The following CSMD1 variants were observed in gnomAD, a reference collection of about 807,000 sequenced individuals.
CSMD1 encodes CUB and sushi domain-containing protein 1.
CSMD1 carries 213 observed loss-of-function variants against 417.5 expected under a neutral mutation model. The observed-to-expected ratio is 0.51, with a 90% CI of 0.46 to 0.57. The LOEUF (loss-of-function observed/expected upper bound fraction) is 0.57, where lower values mean the gene tolerates loss of function less well. Among genes scored for constraint, CSMD1 ranks in the 20% least tolerant of loss-of-function variants. The probability of loss-of-function intolerance (pLI) is 0.00; values close to 1 mark genes in which losing one functional copy is unlikely to be tolerated. For missense variants in CSMD1, 6,923 were observed against 4,529.7 expected (o/e 1.53, Z -15.17); for synonymous variants, 2,862 against 1,736.8 (o/e 1.65, Z -16.11).
At position 3,924,104 on chromosome 8, in the gene CSMD1, T is replaced by C. The variant is rs554776793; in HGVS notation, c.818+73799A>G. ...TGGTGGTGATGAAATTTCTCAGCTC[T>C]TGTTGATGCGGGAAAATCTGTATCT... On this transcript the variant is annotated intron_variant, in intron 5 of 69. Coordinates refer to ENST00000635120, the MANE Select transcript of CSMD1 (RefSeq NM_033225.6). 3.3e-5 allele frequency among the ~76,000 whole-genome samples: 5 copies of C among 152,324 alleles called. No individual in the cohort carries two copies. The South Asian group carries it at 1.0e-3, about 32-fold the overall frequency.
chr8:3,370,558 G>C (rs1200647967), intron 18 of CSMD1, among the ~76,000 whole-genome samples: 1 of 152,240 alleles, frequency 6.6e-6, no homozygotes, highest in Non-Finnish European at 1.5e-5. Context: ...TAAGAGGCCG[G>C]TCATGTCTGT....
chr8:4,250,394 G>T (rs1290919530), intron 3 of CSMD1, among the ~76,000 whole-genome samples: 2 of 152,094 alleles, frequency 1.3e-5, no homozygotes, highest in Non-Finnish European at 2.9e-5. Flanking sequence ...AAGATAAGAT[G>T]CTGGTTGAGG....
chr8:4,323,308 T>C (rs1293162763), intron 3 of CSMD1, among the ~76,000 whole-genome samples: 1 of 152,164 alleles, frequency 6.6e-6, no homozygotes, highest in Non-Finnish European at 1.5e-5. Flanking sequence ...ACAGTCTTAC[T>C]CTATATAGTA....
chr8:4,643,198 C>T (rs1335914223), intron 1 of CSMD1, among the ~76,000 whole-genome samples: 1 of 152,234 alleles, frequency 6.6e-6, no homozygotes, highest in African/African-American at 2.4e-5. Context: ...CAGATCACCA[C>T]ACTGGCTCCT....
At chr8:3,645,662 C>T (rs1797538312) in intron 7 of CSMD1, among the ~76,000 whole-genome samples, 1 of 152,246 alleles carries the variant, frequency 6.6e-6, no homozygotes, top group East Asian at 1.9e-4. Flanking sequence ...GGAGCCACTG[C>T]TACAGCAGAG....
intron 23 of CSMD1, among the ~76,000 whole-genome samples, chr8:3,337,184 C>G (rs7822765): frequency 0.12 from 18,807 of 152,136 alleles, 1,657 homozygotes; most frequent in African/African-American, 0.24. Flanking sequence ...CGCAACGACT[C>G]GCCCTATCCC....
chr8:3,602,270 A>C (rs1038381957), intron 8 of CSMD1, among the ~76,000 whole-genome samples: 5 of 152,184 alleles, frequency 3.3e-5, no homozygotes, highest in African/African-American at 9.6e-5. Flanking sequence ...TGCACAGTTT[A>C]GAGTCCCCAG....
chr8:4,975,054 A>C (rs376117412), intron 1 of CSMD1, among the ~76,000 whole-genome samples: 2 of 152,308 alleles, frequency 1.3e-5, no homozygotes, highest in Non-Finnish European at 1.5e-5. Context: ...AGGCTGGGGA[A>C]AGAGGCTTCT....
intron 3 of CSMD1, among the ~76,000 whole-genome samples, chr8:4,237,603 C>A (rs889315458): frequency 4.0e-5 from 6 of 151,858 alleles, no homozygotes; most frequent in Non-Finnish European, 8.8e-5. Flanking sequence ...AGTGTCATCA[C>A]AACTTACTGC....
At chr8:3,463,301 C>T (rs1469450599) in intron 12 of CSMD1, among the ~76,000 whole-genome samples, 1 of 152,138 alleles carries the variant, frequency 6.6e-6, no homozygotes, top group African/African-American at 2.4e-5. Context: ...GGCTCTGCTT[C>T]CAAGAAAAAG....
chr8:3,906,949 G>C (rs1490668678), intron 5 of CSMD1, among the ~76,000 whole-genome samples: 6 of 152,152 alleles, frequency 3.9e-5, no homozygotes, highest in Non-Finnish European at 8.8e-5. Flanking sequence ...GTACTGCTGG[G>C]TAATACCAGT....
chr8:3,983,830 C>T (rs754951791), intron 5 of CSMD1, among the ~76,000 whole-genome samples: 3 of 152,056 alleles, frequency 2.0e-5, no homozygotes, highest in Non-Finnish European at 2.9e-5. Flanking sequence ...GAGCACCTGG[C>T]AGATCTGGCC....
intron 7 of CSMD1, among the ~76,000 whole-genome samples, chr8:3,672,375 C>T (rs1799120060): frequency 6.6e-6 from 1 of 152,136 alleles, no homozygotes; most frequent in Admixed American, 6.5e-5. Context: ...ATTTAGAACC[C>T]ACTCTTGCAT....
At chr8:4,194,589 C>G (rs141430305) in intron 3 of CSMD1, among the ~76,000 whole-genome samples, 3 of 152,136 alleles carry the variant, frequency 2.0e-5, no homozygotes, top group East Asian at 1.9e-4. Context: ...CTTTTGTTTC[C>G]CCTTTGACAT....
intron 7 of CSMD1, among the ~76,000 whole-genome samples, chr8:3,659,009 G>T (rs995657544): frequency 6.6e-6 from 1 of 152,092 alleles, no homozygotes; most frequent in African/African-American, 2.4e-5. Context: ...AATACTTCTA[G>T]GTCCTCAGAG....
At chr8:4,904,977 A>G (rs532602525) in intron 1 of CSMD1, among the ~76,000 whole-genome samples, 59 of 152,270 alleles carry the variant, frequency 3.9e-4, no homozygotes, top group African/African-American at 1.3e-3. Flanking sequence ...CAACCAACAT[A>G]GTACAATTTG....
chr8:4,582,611 C>G (rs1021202726), intron 2 of CSMD1, among the ~76,000 whole-genome samples: 2 of 152,206 alleles, frequency 1.3e-5, no homozygotes, highest in African/African-American at 2.4e-5. Context: ...TACACATTAG[C>G]AAGGATGCAC....
At position 3,162,245 on chromosome 8, in the gene CSMD1, G is replaced by T; in HGVS notation, c.5758C>A (p.Leu1920Ile). The part of the protein sequence containing the change: ...VGLAACQEPA[L>I]PSNSIKIGDR... ...CCGATTTTGATGCTGTTGCTGGGGAGGGCTGGTTCTTGGCATGCAGCAAGA... is the reference window on the plus strand; with the variant it reads ...CCGATTTTGATGCTGTTGCTGGGGATGGCTGGTTCTTGGCATGCAGCAAGA... Residue 1920 changes from leucine to isoleucine, a missense_variant, in exon 38 of 70, where the codon CTC becomes ATC. Coordinates refer to ENST00000635120, the MANE Select transcript of CSMD1 (RefSeq NM_033225.6). 1 of 1,610,602 alleles carries T rather than the reference G, an allele frequency of 6.2e-7. No homozygotes were observed. The highest frequency in any genetic ancestry group is 8.5e-7 in the Non-Finnish European group (1 of 1,178,440).
chr8:2,984,745 C>G (rs1042086914), intron 54 of CSMD1, among the ~76,000 whole-genome samples: 2 of 152,216 alleles, frequency 1.3e-5, no homozygotes, highest in Non-Finnish European at 2.9e-5. Flanking sequence ...TCTAGGAAGT[C>G]AGGAATCCCA....
Sources: allele counts gnomAD v4.1 joint callset (sites outside exome capture counted in the v4.1 genomes callset), GRCh38; gene constraint gnomAD v4.1.1; transcripts MANE v1.5; gene names NCBI Gene and HGNC (gene_info 2026-07-23, HGNC 2026-07-21).